The following VPS13A variants were observed in gnomAD, a reference collection of about 807,000 sequenced individuals.
VPS13A encodes vacuolar protein sorting 13 homolog A, also known as intermembrane lipid transfer protein VPS13A.
VPS13A carries 264 observed loss-of-function variants against 390.9 expected under a neutral mutation model. The ratio of observed to expected loss-of-function variants is 0.68; its 90% CI spans 0.61 to 0.75. The LOEUF is 0.75. VPS13A is among the 30% of genes least tolerant of loss of function. VPS13A has a pLI of 0.00. For missense variants in VPS13A, 3,409 were observed against 3,733.9 expected (o/e 0.91, Z 2.27); for synonymous variants, 1,231 against 1,227.1 (o/e 1.00, Z -0.07).
chr9:77,332,165 A>G (rs1450896655), intron 46 of VPS13A, 52 bp downstream of exon 46: 2 of 1,430,874 alleles, frequency 1.4e-6, no homozygotes, highest in South Asian at 2.3e-5. Flanking sequence ...TAGAATTTTT[A>G]GTTTCTGATT....
intron 70 of VPS13A, among the ~76,000 whole-genome samples, chr9:77,407,326 G>C (rs969501420): frequency 1.3e-5 from 2 of 152,152 alleles, no homozygotes; most frequent in East Asian, 3.8e-4. Flanking sequence ...CTTAGGTTTA[G>C]TGATAATGGT....
At position 77,419,823 on chromosome 9, in the gene VPS13A, G is replaced by C. The variant is rs931156813; in HGVS notation, c.*3817G>C. On this transcript the variant is annotated 3_prime_UTR_variant, in exon 72 of 72. Coordinates refer to ENST00000360280, the MANE Select transcript of VPS13A (RefSeq NM_033305.3). ...AATCTGCACCATCTACCTTTTGGCT[G>C]ATTCACCATACAGGTGGCAAAGGCC... 6.6e-6 allele frequency: 1 copy of C among 152,190 alleles called. No individual in the cohort carries two copies. The highest frequency in any genetic ancestry group is 2.4e-5 in the African/African-American group (1 of 41,450). 9.4% of individuals were successfully genotyped at this position (152,190 alleles called of 1,614,324 possible). A position where few individuals can be genotyped will look rare whatever the true frequency, so the allele number is the denominator to read the frequency against.
chr9:77,211,566 C>T (rs1484228272), intron 7 of VPS13A: 3 of 152,084 alleles, frequency 2.0e-5, no homozygotes, highest in Non-Finnish European at 2.9e-5. Flanking sequence ...CCAGAGCAGG[C>T]TCAGAGAGAC....
intron 17 of VPS13A, among the ~76,000 whole-genome samples, chr9:77,232,333 G>A: frequency 6.6e-6 from 1 of 152,120 alleles, no homozygotes. Context: ...ATTGCATTCA[G>A]TATGTAGATT....
chr9:77,287,778 A>G (rs1174281629), intron 31 of VPS13A, among the ~76,000 whole-genome samples: 1 of 152,228 alleles, frequency 6.6e-6, no homozygotes, highest in African/African-American at 2.4e-5. Flanking sequence ...GCCTTGTAGC[A>G]GGAAGGTGCT....
In VPS13A at chr9:77,199,399, T is replaced by C. The variant is rs191260078; in HGVS notation, c.101-546T>C. On this transcript the variant is annotated intron_variant, in intron 1 of 71. Coordinates refer to ENST00000360280, the MANE Select transcript of VPS13A (RefSeq NM_033305.3). ...GATGGGGTTACATGTAACATCCTAA[T>C]GTTATAGCAGTGTATTTTAAACTTT... 1.6e-3 allele frequency among the ~76,000 whole-genome samples: 240 copies of C among 152,334 alleles called. 1 individual carries two copies. The highest frequency in any genetic ancestry group is 5.6e-3 in the African/African-American group (233 of 41,572).
intron 50 of VPS13A, 44 bp from the exon 51 acceptor site, chr9:77,344,108 GT>G: frequency 6.9e-7 from 1 of 1,454,990 alleles, no homozygotes; most frequent in Non-Finnish European, 9.5e-7. Flanking sequence ...TATATTTATG[GT>G]GAAATCTGTT....
chr9:77,250,010 A>G, intron 20 of VPS13A, 87 bp from the exon 21 acceptor site: 2 of 1,447,062 alleles, frequency 1.4e-6, no homozygotes, highest in Non-Finnish European at 1.9e-6. Context: ...CTCTCCTATT[A>G]ACATTTTATA....
chr9:77,276,321 T>C (rs7030802), intron 26 of VPS13A, 100 bp downstream of exon 26: 4 of 1,117,132 alleles, frequency 3.6e-6, no homozygotes, highest in Non-Finnish European at 4.9e-6. Flanking sequence ...GTACATTTGC[T>C]GAAATATTCT....
intron 68 of VPS13A, 136 bp downstream of exon 68, chr9:77,382,223 T>G (rs1833482283): frequency 1.4e-6 from 2 of 1,394,358 alleles, no homozygotes; most frequent in African/African-American, 3.0e-5. Flanking sequence ...TTCTTATATT[T>G]ACTTAGATTT....
In VPS13A at chr9:77,282,184, C is replaced by G. The variant is rs1337056764; in HGVS notation, c.3028C>G (p.Leu1010Val). The G allele has an allele frequency of 2.5e-6, 4 of 1,613,174 alleles. No homozygotes were observed. Among genetic ancestry groups the G allele is most frequent in the Non-Finnish European group, 3.4e-6 (4 of 1,179,390 alleles). Reference sequence around the variant, plus strand: ...AGCACTTCTGAATACAATAAATTATCTTCATAATATCCTTCCGCAATCAGA... The same window carrying G: ...AGCACTTCTGAATACAATAAATTATGTTCATAATATCCTTCCGCAATCAGA... ...TEALLNTINY[L>V]HNILPQSEEK... Residue 1010 changes from leucine to valine, a missense_variant, in exon 29 of 72, where the codon CTT (leucine) becomes GTT (valine). Leu to Val is a conservative substitution (Grantham distance 32). This residue lies in a region of VPS13A where 2,717 missense variants were observed against 2,917.4 expected (regional missense o/e 0.93). Coordinates refer to ENST00000360280, the MANE Select transcript of VPS13A (RefSeq NM_033305.3).
Position 77,370,314 on chromosome 9 carries a change from C to T in VPS13A, c.8725C>T (p.Leu2909=), listed in dbSNP as rs137866930. The change falls in exon 64 of 72, where the codon CTA becomes TTA. Residue 2909 remains leucine (L), a synonymous_variant. Coordinates refer to ENST00000360280, the MANE Select transcript of VPS13A (RefSeq NM_033305.3). ...VEGMALGLKA[L]VGGAVGGLAG... ...AGGAATGGCACTAGGACTTAAGGCA[C>T]TAGTTGGTGGAGCTGTTGGTAAGAA... The T allele has an allele frequency of 8.7e-6, 14 of 1,614,146 alleles. No homozygotes were observed. Among genetic ancestry groups the T allele is most frequent in the Middle Eastern group, 1.6e-4 (1 of 6,062 alleles).
At chr9:77,242,861 T>TA (rs1285392905) in intron 19 of VPS13A, among the ~76,000 whole-genome samples, 3 of 152,094 alleles carry the variant, frequency 2.0e-5, no homozygotes, top group African/African-American at 7.2e-5. Context: ...AAGTCTTCAG[T>TA]ATTTTACCTT....
At chr9:77,313,256 G>A (rs62573225) in intron 35 of VPS13A, among the ~76,000 whole-genome samples, 5,511 of 152,244 alleles carry the variant, frequency 0.036, 126 homozygotes, top group Non-Finnish European at 0.053. Context: ...TGGTAGAGAG[G>A]TTGGGAATTG....
At chr9:77,296,198 CATCTT>C (rs1024873718) in intron 33 of VPS13A, among the ~76,000 whole-genome samples, 5 of 152,248 alleles carry the variant, frequency 3.3e-5, no homozygotes, top group African/African-American at 9.6e-5. Context: ...AATACATTAT[CATCTT>C]ATCTTCTCTG....
chr9:77,205,367 C>A lies in VPS13A; in HGVS notation c.242C>A (p.Ala81Asp). 1 of 1,487,242 alleles carries A rather than the reference C, an allele frequency of 6.7e-7. No individual in the cohort carries two copies. The highest frequency in any genetic ancestry group is 1.5e-5 in the South Asian group (1 of 64,968). 92.1% of individuals were successfully genotyped at this position (1,487,242 alleles called of 1,614,324 possible). A position where few individuals can be genotyped will look rare whatever the true frequency, so the allele number is the denominator to read the frequency against. Residue 81 changes from alanine (A) to aspartate (D), a missense_variant, in exon 4 of 72, where the codon GCC (alanine) becomes GAC (aspartate). Ala to Asp is a moderately radical substitution (Grantham distance 126). Transcript: ENST00000360280. The stretch of plus-strand genomic sequence containing the variant: ...AACCTTTATACTCAACCTGTTGAAG[C>A]CGTATTGGAAGAAATTTATTTACTT... ...WKNLYTQPVE[A>D]VLEEIYLLIV...
At chr9:77,392,922 T>TG (rs886250521) in intron 68 of VPS13A, among the ~76,000 whole-genome samples, 1 of 151,920 alleles carries the variant, frequency 6.6e-6, no homozygotes, top group Non-Finnish European at 1.5e-5. Context: ...TGCTGAAGGT[T>TG]GGGATAGCTG....
chr9:77,298,363 G>A (rs1301508674), intron 33 of VPS13A, among the ~76,000 whole-genome samples: 1 of 152,164 alleles, frequency 6.6e-6, no homozygotes, highest in Non-Finnish European at 1.5e-5. Flanking sequence ...TGGGACATAT[G>A]AAGAAGAATG....
intron 34 of VPS13A, chr9:77,305,708 A>C (rs1047304462): frequency 1.3e-5 from 2 of 154,334 alleles, no homozygotes; most frequent in African/African-American, 4.8e-5. Flanking sequence ...CTCACCCCAG[A>C]GCCCAGATAT....
Sources: gnomAD v4.1 joint callset for allele counts (sites outside exome capture counted in the v4.1 genomes callset) on GRCh38, gnomAD v4.1.1 for gene constraint, gnomAD v4.1.1 regional missense constraint, MANE v1.5 for transcripts, NCBI Gene and HGNC (gene_info 2026-07-23, HGNC 2026-07-21) for gene names.